Variants in SGCG observed in about 807,000 individuals in gnomAD.
SGCG encodes the protein gamma-sarcoglycan.
A neutral mutation model predicts 29.3 loss-of-function variants in SGCG; 26 were observed. That is an observed-to-expected ratio of 0.89 (90% CI 0.65 to 1.23). The LOEUF (loss-of-function observed/expected upper bound fraction) is 1.23, where lower values mean the gene tolerates loss of function less well. SGCG is among the 50% of genes most tolerant of loss of function. The probability of loss-of-function intolerance (pLI) is 0.00; values close to 1 mark genes in which losing one functional copy is unlikely to be tolerated. For synonymous variants in SGCG, 145 were observed against 129.7 expected, an observed-to-expected ratio of 1.12 and a Z score of -0.80; for missense variants, 353 against 356.0, an observed-to-expected ratio of 0.99 and a Z score of 0.07.
intron 4 of SGCG, among the ~76,000 whole-genome samples, chr13:23,254,908 G>A (rs960198511): frequency 8.5e-5 from 13 of 152,216 alleles, no homozygotes; most frequent in African/African-American, 2.7e-4. Flanking sequence ...CTCCAGGCCC[G>A]CAGAATGCAA....
At chr13:23,249,626 T>C (rs1056870925) in intron 3 of SGCG, among the ~76,000 whole-genome samples, 3 of 152,166 alleles carry the variant, frequency 2.0e-5, no homozygotes, top group South Asian at 2.1e-4. Context: ...GTAAAATTGA[T>C]TTTTTTTAAA....
At chr13:23,164,113 T>C in the SGCG span, among the ~76,000 whole-genome samples, 1 of 152,238 alleles carries the variant, frequency 6.6e-6, no homozygotes, top group Non-Finnish European at 1.5e-5. Flanking sequence ...CTGTCTTTTT[T>C]CTTTAAGATT....
chr13:23,192,070 G>C (rs1877285332), intron 1 of SGCG, among the ~76,000 whole-genome samples: 1 of 151,596 alleles, frequency 6.6e-6, no homozygotes, highest in Non-Finnish European at 1.5e-5. Context: ...AGCTACTCGG[G>C]AGGCTGAGGC....
chr13:23,244,186 C>T (rs1025383182), intron 3 of SGCG: 5 of 152,052 alleles, frequency 3.3e-5, no homozygotes, highest in African/African-American at 7.2e-5. Flanking sequence ...ACAACACCAC[C>T]GTATCAGGAT....
intron 1 of SGCG, among the ~76,000 whole-genome samples, chr13:23,188,796 A>C (rs1219245580): frequency 6.6e-6 from 1 of 152,188 alleles, no homozygotes; most frequent in East Asian, 1.9e-4. Context: ...GAAGCTCTGC[A>C]GTTCCTCTAT....
chr13:23,249,106 A>C (rs1395092144), intron 3 of SGCG, among the ~76,000 whole-genome samples: 4 of 152,206 alleles, frequency 2.6e-5, no homozygotes, highest in Non-Finnish European at 5.9e-5. Context: ...GCAAATGTGC[A>C]AAATTTGGGA....
intron 6 of SGCG, among the ~76,000 whole-genome samples, chr13:23,303,989 T>C (rs1348903918): frequency 1.3e-5 from 2 of 152,206 alleles, no homozygotes; most frequent in African/African-American, 4.8e-5. Context: ...ATAGTTTACA[T>C]TTCTCTTAAT....
At chr13:23,209,040 G>A (rs1212458933) in intron 2 of SGCG, among the ~76,000 whole-genome samples, 11 of 152,148 alleles carry the variant, frequency 7.2e-5, no homozygotes, top group East Asian at 3.9e-4. Flanking sequence ...TATCATGAAG[G>A]TAAGATGAAT....
intron 1 of SGCG, among the ~76,000 whole-genome samples, chr13:23,182,467 C>G (rs956215506): frequency 6.6e-6 from 1 of 152,122 alleles, no homozygotes; most frequent in Non-Finnish European, 1.5e-5. Context: ...CTCTCCCTCC[C>G]TCCCTCCCCT....
intron 4 of SGCG, among the ~76,000 whole-genome samples, chr13:23,252,948 C>G (rs1880033555): frequency 6.6e-6 from 1 of 152,188 alleles, no homozygotes; most frequent in South Asian, 2.1e-4. Context: ...GCTGTTTCCA[C>G]TGGCCCTCCT....
At chr13:23,186,570 G>C (rs886778702) in intron 1 of SGCG, among the ~76,000 whole-genome samples, 6 of 152,188 alleles carry the variant, frequency 3.9e-5, no homozygotes, top group Admixed American at 6.5e-5. Flanking sequence ...TTTCCAGAGG[G>C]ATATATCCTA....
Position 23,228,516 on chromosome 13 carries a change from A to C in SGCG, c.196-6095A>C, listed in dbSNP as rs553218690. Among the ~76,000 whole-genome samples the C allele has an allele frequency of 5.9e-5, 9 of 152,252 alleles. No homozygotes were observed. In the South Asian group the frequency reaches 1.9e-3, roughly 32 times the overall value. On this transcript the variant is annotated intron_variant, in intron 2 of 7. Transcript: ENST00000218867. ...GGTTTGTTATATAGGTAAACTCATG[A>C]CTTGGGCATTTGGTTTACAGATTAT...
At chr13:23,216,945 T>C (rs1056729476) in intron 2 of SGCG, among the ~76,000 whole-genome samples, 1 of 152,152 alleles carries the variant, frequency 6.6e-6, no homozygotes, top group African/African-American at 2.4e-5. Flanking sequence ...CATTCAGCTA[T>C]GTGGAAATGT....
chr13:23,236,195 C>T (rs1314210763), intron 3 of SGCG, among the ~76,000 whole-genome samples: 1 of 152,100 alleles, frequency 6.6e-6, no homozygotes, highest in Non-Finnish European at 1.5e-5. Context: ...TACAGGATTT[C>T]CCTTTTGTAA....
At position 23,294,128 on chromosome 13, in the gene SGCG, AAG is replaced by A. The variant is rs780418017; in HGVS notation, c.506-1279_506-1278del. On this transcript the variant is annotated intron_variant, in intron 5 of 7. Coordinates refer to ENST00000218867, the MANE Select transcript of SGCG (RefSeq NM_000231.3). The stretch of plus-strand genomic sequence containing the variant: ...AATCCTGAGATTCCTGTGGAACCAC[AAG>A]AGAGAGAAAAACTCTTTGCAAGTGG... Among the ~76,000 whole-genome samples, 34 of 152,290 alleles carry A rather than the reference AAG, an allele frequency of 2.2e-4. No homozygotes were observed. The East Asian group carries it at 5.2e-3, about 23-fold the overall frequency.
chr13:23,274,395 C>CTTTTTTTT (rs869153381), intron 4 of SGCG, among the ~76,000 whole-genome samples: 98 of 85,228 alleles, frequency 1.1e-3, no homozygotes, highest in East Asian at 1.5e-3. Context: ...CTTTCTTTCT[C>CTTTTTTTT]TTTTTTTTTT....
In SGCG at chr13:23,269,880, T is replaced by TTG. The variant is rs199774615; in HGVS notation, c.386-9478_386-9477insGT. Among the ~76,000 whole-genome samples the TTG allele has an allele frequency of 4.1e-4, 43 of 106,072 alleles. 1 individual carries two copies. The East Asian group carries it at 6.8e-3, about 17-fold the overall frequency. 69.6% of individuals were successfully genotyped at this position (106,072 alleles called of 152,430 possible). ...GCTTTTTTTTGTTTTTTTTGTTTTT[T>TTG]TTGTTTTTTTTTGAGGCGGAGTCTC... is the stretch of plus-strand genomic sequence containing the variant. On this transcript the variant is annotated intron_variant, in intron 4 of 7. Coordinates refer to ENST00000218867, the MANE Select transcript of SGCG (RefSeq NM_000231.3).
At chr13:23,297,179 T>G (rs1291809270) in intron 6 of SGCG, among the ~76,000 whole-genome samples, 1 of 152,088 alleles carries the variant, frequency 6.6e-6, no homozygotes, top group Non-Finnish European at 1.5e-5. Context: ...TAATAAGATA[T>G]TATGTTAAAA....
At chr13:23,190,765 C>A (rs765678280) in intron 1 of SGCG, among the ~76,000 whole-genome samples, 1 of 152,106 alleles carries the variant, frequency 6.6e-6, no homozygotes, top group Non-Finnish European at 1.5e-5. Flanking sequence ...GTCAGATAAA[C>A]CTTAAGAAGT....
Sources: allele counts gnomAD v4.1 joint callset (sites outside exome capture counted in the v4.1 genomes callset), GRCh38; gene constraint gnomAD v4.1.1; transcripts MANE v1.5; gene names NCBI Gene and HGNC (gene_info 2026-07-23, HGNC 2026-07-21).